FCGR2B: variants seen among roughly 807,000 people sequenced by gnomAD.
FCGR2B encodes the protein low affinity immunoglobulin gamma Fc region receptor II-b.
A neutral mutation model predicts 24.8 loss-of-function variants in FCGR2B; 18 were observed. That is an observed-to-expected ratio of 0.73 (90% CI 0.50 to 1.08). FCGR2B has a LOEUF of 1.08. FCGR2B is among the 50% of genes least tolerant of loss of function. The probability of loss-of-function intolerance (pLI) is 0.00; values close to 1 mark genes in which losing one functional copy is unlikely to be tolerated. For missense variants in FCGR2B, 215 were observed against 297.6 expected, an observed-to-expected ratio of 0.72 and a Z score of 2.04; for synonymous variants, 79 against 109.8, an observed-to-expected ratio of 0.72 and a Z score of 1.75.
chr1:161,671,358 C>A, intron 2 of FCGR2B, 34 bp from the exon 3 acceptor site: 1 of 1,613,938 alleles, frequency 6.2e-7, no homozygotes, highest in East Asian at 2.2e-5. Context: ...TGGGCTTCCT[C>A]TTCTTCATGC....
chr1:161,674,194 G>T (rs12117530), intron 5 of FCGR2B, 121 bp downstream of exon 5: 41,016 of 258,018 alleles, frequency 0.16, 3,141 homozygotes, highest in Non-Finnish European at 0.19. Context: ...GGCCCGTATT[G>T]TATTATAGTC....
intron 4 of FCGR2B, chr1:161,673,623 A>C: frequency 3.3e-6 from 2 of 611,754 alleles, no homozygotes; most frequent in Non-Finnish European, 6.1e-6. Context: ...TGGACCGTTC[A>C]AGGCTGTGCT....
the FCGR2B span, among the ~76,000 whole-genome samples, chr1:161,647,493 G>T: frequency 6.7e-6 from 1 of 150,362 alleles, no homozygotes; most frequent in Non-Finnish European, 1.5e-5. Context: ...TAGGGACAGG[G>T]TTTTGCCATG....
chr1:161,649,763 G>T, the FCGR2B span, among the ~76,000 whole-genome samples: 1 of 149,742 alleles, frequency 6.7e-6, no homozygotes, highest in African/African-American at 2.5e-5. Context: ...CTAGGAGGCC[G>T]TTGTACTATT....
At chr1:161,654,175 G>A in the FCGR2B span, among the ~76,000 whole-genome samples, 25,465 of 131,984 alleles carry the variant, frequency 0.19, 1,849 homozygotes, top group African/African-American at 0.21. Context: ...CAGGGCAGTG[G>A]CTAAGAAGAA....
intron 5 of FCGR2B, 40 bp from the exon 6 acceptor site, chr1:161,675,217 C>A (rs758059520): frequency 4.1e-5 from 61 of 1,506,114 alleles, no homozygotes; most frequent in Non-Finnish European, 5.4e-5. Context: ...ACTCAGGCCC[C>A]ACCGCCTAAT....
At chr1:161,669,456 A>C (rs1234933079) in intron 1 of FCGR2B, among the ~76,000 whole-genome samples, 1 of 139,908 alleles carries the variant, frequency 7.1e-6, no homozygotes, top group Non-Finnish European at 1.6e-5. Flanking sequence ...CTGTAATCCC[A>C]GCTCTTGGGA....
intron 6 of FCGR2B, 74 bp downstream of exon 6, chr1:161,675,387 G>A: frequency 8.9e-7 from 1 of 1,121,338 alleles, no homozygotes; most frequent in Non-Finnish European, 1.3e-6. Context: ...CAGGGAGAAG[G>A]GGCTTGTGCA....
At chr1:161,655,490 AG>A in the FCGR2B span, among the ~76,000 whole-genome samples, 1 of 60,642 alleles carries the variant, frequency 1.6e-5, no homozygotes, top group Non-Finnish European at 3.9e-5. Context: ...GCTGTTGGAC[AG>A]GGGACAGGGA....
At chr1:161,672,794 A>G in intron 3 of FCGR2B, 181 bp from the exon 4 acceptor site, 2 of 1,006,986 alleles carry the variant, frequency 2.0e-6, no homozygotes, top group Non-Finnish European at 1.4e-6. Flanking sequence ...TGAGGCTCAG[A>G]AGACTTAAAT....
intron 3 of FCGR2B, 111 bp downstream of exon 3, chr1:161,671,760 G>T: frequency 1.3e-6 from 2 of 1,560,924 alleles, no homozygotes; most frequent in Non-Finnish European, 8.7e-7. Context: ...GGGAAGTATC[G>T]CTGTGAGTTG....
intron 3 of FCGR2B, 176 bp downstream of exon 3, chr1:161,671,825 G>A: frequency 7.7e-7 from 1 of 1,297,330 alleles, no homozygotes; most frequent in African/African-American, 1.5e-5. Flanking sequence ...ACAGAAGAAG[G>A]TTTCAAGGCC....
Position 161,671,374 on chromosome 1 carries a change from C to T in FCGR2B, c.134-18C>T. 2.5e-6 allele frequency: 4 copies of T among 1,614,158 alleles called. No homozygotes were observed. Among genetic ancestry groups the T allele is most frequent in the Non-Finnish European group, 3.4e-6 (4 of 1,180,034 alleles). On this transcript the variant is annotated intron_variant, in intron 2 of 7. Transcript: ENST00000358671. ...GGGCTTCCTCTTCTTCATGCTACCT[C>T]CTCTCTCTGCCCCTCAGCAGCTCCC...
chr1:161,677,604 C>G lies in FCGR2B; in HGVS notation c.*51C>G, dbSNP rs757386586. On this transcript the variant is annotated 3_prime_UTR_variant, in exon 8 of 8. Transcript: ENST00000358671. ...GAGAAGAAAATCAGAGAGGGAAGAT[C>G]TGGTATTTCCTGGCCTAAATTCCCC... 115 of 1,382,056 alleles carry G rather than the reference C, an allele frequency of 8.3e-5. No individual in the cohort carries two copies. Among genetic ancestry groups the G allele is most frequent in the Non-Finnish European group, 1.1e-4 (107 of 976,720 alleles). 85.6% of individuals were successfully genotyped at this position (1,382,056 alleles called of 1,614,324 possible).
the FCGR2B span, among the ~76,000 whole-genome samples, chr1:161,654,822 C>A: frequency 1.4e-5 from 2 of 138,422 alleles, 1 homozygote; most frequent in Admixed American, 1.5e-4. Flanking sequence ...CTCACTACCT[C>A]AGCACTCTGA....
At chr1:161,677,250 T>C (rs1682226390) in intron 6 of FCGR2B, 78 bp from the exon 7 acceptor site, 1 of 1,466,024 alleles carries the variant, frequency 6.8e-7, no homozygotes. Context: ...GGGCGTTGGT[T>C]TTGCAGCCTC....
At chr1:161,654,430 TGTGCCCTGGGCCCTTCTTCCA>T in the FCGR2B span, among the ~76,000 whole-genome samples, 4 of 137,196 alleles carry the variant, frequency 2.9e-5, no homozygotes, top group African/African-American at 9.8e-5. Context: ...GCTCTTTTCC[TGTGCCCTGGGCCCTTCTTCCA>T]GTGATTTAAG....
chr1:161,661,186 A>AAAGGAAAGAAAG, upstream of FCGR2B, among the ~76,000 whole-genome samples: 1 of 109,986 alleles, frequency 9.1e-6, no homozygotes, highest in East Asian at 3.0e-4. Context: ...AGGAAGGAAG[A>AAAGGAAAGAAAG]AAGGAAAGAA....
the FCGR2B span, among the ~76,000 whole-genome samples, chr1:161,648,144 C>T: frequency 2.0e-5 from 3 of 149,718 alleles, no homozygotes; most frequent in Admixed American, 1.3e-4. Context: ...CAATATACCT[C>T]AAGACTCTAG....
Sources: allele counts gnomAD v4.1 joint callset (sites outside exome capture counted in the v4.1 genomes callset), GRCh38; gene constraint gnomAD v4.1.1; transcripts MANE v1.5; gene names NCBI Gene and HGNC (gene_info 2026-07-23, HGNC 2026-07-21).